Variants in DNAI3 observed in about 807,000 individuals in gnomAD.
DNAI3 encodes the protein dynein axonemal intermediate chain 3.
Under a neutral mutation model 115.5 loss-of-function variants are expected in DNAI3, and 83 were observed. The observed-to-expected ratio is 0.72, with a 90% CI of 0.60 to 0.86. DNAI3 has a LOEUF of 0.86. Ranked by LOEUF, DNAI3 falls within the 40% of genes least tolerant of loss-of-function variation. DNAI3 has a pLI of 0.00. For synonymous variants in DNAI3, 320 were observed against 347.0 expected (o/e 0.92, Z 0.86); for missense variants, 1,004 against 1,075.8 (o/e 0.93, Z 0.93).
chr1:85,133,015 G>A lies in DNAI3; in HGVS notation c.*17G>A. 6.2e-7 allele frequency: 1 copy of A among 1,602,200 alleles called. No individual in the cohort carries two copies. The highest frequency in any genetic ancestry group is 8.5e-7 in the Non-Finnish European group (1 of 1,176,310). On this transcript the variant is annotated 3_prime_UTR_variant, in exon 23 of 23. Transcript: ENST00000294664. ...GTGATGTAAAAAAGCTTCCTGAAGGGGTGTTTTGGGGACTTCTTCCCTCTA... is the reference window on the plus strand; with the variant it reads ...GTGATGTAAAAAAGCTTCCTGAAGGAGTGTTTTGGGGACTTCTTCCCTCTA...
Position 85,098,600 on chromosome 1 carries a change from T to C in DNAI3, c.1421T>C (p.Ile474Thr), listed in dbSNP as rs1209483219. The change falls in exon 13 of 23, where the codon ATA becomes ACA. Residue 474 changes from isoleucine to threonine, a missense_variant. Ile to Thr is a moderately conservative substitution (Grantham distance 89). Coordinates refer to ENST00000294664, the MANE Select transcript of DNAI3 (RefSeq NM_145172.5). ...ATCAGACACTGTGCAGTCTCTTCAA[T>C]AGAAAATGGACATAAGAAAGTAATT... ...MYIRHCAVSSIENGHKKVITD... is the reference protein window; with the variant it reads ...MYIRHCAVSSTENGHKKVITD... 5 of 1,613,638 alleles carry C rather than the reference T, an allele frequency of 3.1e-6. No individual in the cohort carries two copies. The highest frequency in any genetic ancestry group is 4.2e-6 in the Non-Finnish European group (5 of 1,179,752).
At chr1:85,120,689 G>A (rs1026257772) in intron 17 of DNAI3, among the ~76,000 whole-genome samples, 68 of 152,180 alleles carry the variant, frequency 4.5e-4, no homozygotes, top group African/African-American at 1.6e-3. Context: ...AGTGGTATCC[G>A]TGAGGGTGAT....
intron 8 of DNAI3, among the ~76,000 whole-genome samples, 180 bp from the exon 9 acceptor site, chr1:85,093,278 A>G (rs1451643705): frequency 2.0e-5 from 3 of 152,346 alleles, no homozygotes; most frequent in Middle Eastern, 6.8e-3. Flanking sequence ...ACATGCCACC[A>G]TGATGTTTTT....
intron 8 of DNAI3, among the ~76,000 whole-genome samples, chr1:85,091,617 T>C (rs1170528360): frequency 1.3e-5 from 2 of 152,186 alleles, no homozygotes; most frequent in Non-Finnish European, 2.9e-5. Context: ...CTTTTAGAAA[T>C]GGGAAATTTC....
At position 85,088,837 on chromosome 1, in the gene DNAI3, G is replaced by GT. The variant is rs201375748; in HGVS notation, c.741-1269dup. 5.5e-3 allele frequency among the ~76,000 whole-genome samples: 808 copies of GT among 147,912 alleles called. 5 individuals carry two copies. The highest frequency in any genetic ancestry group is 0.018 in the African/African-American group (723 of 40,290). ...AAACCACCAAGCAATATATCATTTT[G>GT]TTTTTTTTTTACTTAACCCTGTCTA... On this transcript the variant is annotated intron_variant, in intron 7 of 22. Coordinates refer to ENST00000294664, the MANE Select transcript of DNAI3 (RefSeq NM_145172.5).
chr1:85,119,587 A>G (rs1655930343), intron 17 of DNAI3, among the ~76,000 whole-genome samples: 1 of 152,226 alleles, frequency 6.6e-6, no homozygotes, highest in African/African-American at 2.4e-5. Flanking sequence ...CAACATGAAT[A>G]AAATCCAGAC....
At chr1:85,068,352 T>C (rs941036299) in intron 1 of DNAI3, among the ~76,000 whole-genome samples, 2 of 152,146 alleles carry the variant, frequency 1.3e-5, no homozygotes, top group Non-Finnish European at 2.9e-5. Context: ...CAAAATTCAT[T>C]GATGTTATCC....
chr1:85,076,334 AAAAT>A (rs1184908255), intron 3 of DNAI3, among the ~76,000 whole-genome samples: 2 of 152,172 alleles, frequency 1.3e-5, no homozygotes, highest in African/African-American at 4.8e-5. Flanking sequence ...TAAAAAATGA[AAAAT>A]AAATAAATAA....
chr1:85,116,569 G>A (rs1423742252), intron 16 of DNAI3, among the ~76,000 whole-genome samples: 1 of 152,120 alleles, frequency 6.6e-6, no homozygotes. Flanking sequence ...AAAAAGAGAG[G>A]AACAGACATT....
intron 20 of DNAI3, among the ~76,000 whole-genome samples, chr1:85,127,905 G>A (rs556963708): frequency 1.3e-5 from 2 of 152,166 alleles, no homozygotes; most frequent in African/African-American, 4.8e-5. Flanking sequence ...GATCACTTGA[G>A]TCCAGGAGTT....
At chr1:85,110,013 G>A (rs748383437) in intron 15 of DNAI3, 35 bp from the exon 16 acceptor site, 8 of 1,585,544 alleles carry the variant, frequency 5.0e-6, no homozygotes, top group Non-Finnish European at 6.9e-6. Flanking sequence ...TTCAGGATAT[G>A]TGGAAATAAT....
At chr1:85,075,553 G>T (rs1395283187) in intron 3 of DNAI3, among the ~76,000 whole-genome samples, 1 of 152,042 alleles carries the variant, frequency 6.6e-6, no homozygotes, top group Admixed American at 6.5e-5. Flanking sequence ...ACTTCCTCAT[G>T]GTGGGCCCTG....
chr1:85,084,770 A>T (rs1654749126), intron 6 of DNAI3, 75 bp downstream of exon 6: 3 of 1,285,120 alleles, frequency 2.3e-6, no homozygotes, highest in Non-Finnish European at 3.0e-6. Context: ...GGGATTCATA[A>T]GGTTTACTGT....
At chr1:85,103,264 C>A (rs764959880) in intron 13 of DNAI3, among the ~76,000 whole-genome samples, 15 of 152,148 alleles carry the variant, frequency 9.9e-5, no homozygotes, top group Non-Finnish European at 1.6e-4. Flanking sequence ...TGCCTCAAAG[C>A]CTGCTGCCTG....
At chr1:85,090,683 C>G (rs988952033) in intron 8 of DNAI3, among the ~76,000 whole-genome samples, 1 of 152,168 alleles carries the variant, frequency 6.6e-6, no homozygotes, top group African/African-American at 2.4e-5. Flanking sequence ...ACATTTCACT[C>G]TTATCACCAA....
intron 13 of DNAI3, among the ~76,000 whole-genome samples, chr1:85,099,581 C>G (rs1655230170): frequency 6.6e-6 from 1 of 152,106 alleles, no homozygotes; most frequent in Non-Finnish European, 1.5e-5. Context: ...AATGCCATCC[C>G]CATCAGGCTA....
At chr1:85,112,531 A>G (rs1655689487) in intron 16 of DNAI3, among the ~76,000 whole-genome samples, 1 of 152,188 alleles carries the variant, frequency 6.6e-6, no homozygotes, top group Admixed American at 6.5e-5. Context: ...TTCCAGTTTT[A>G]CCAGTTTACA....
At chr1:85,118,752 T>C (rs1477502127) in intron 17 of DNAI3, among the ~76,000 whole-genome samples, 2 of 151,994 alleles carry the variant, frequency 1.3e-5, no homozygotes. Flanking sequence ...AGCAGACACA[T>C]GATAAACACC....
chr1:85,081,095 C>A, intron 3 of DNAI3, 139 bp from the exon 4 acceptor site: 1 of 663,730 alleles, frequency 1.5e-6, no homozygotes, highest in Non-Finnish European at 2.3e-6. Flanking sequence ...GATATATTTA[C>A]TTTAAATACA....
Sources: gnomAD v4.1 joint callset for allele counts (sites outside exome capture counted in the v4.1 genomes callset) on GRCh38, gnomAD v4.1.1 for gene constraint, MANE v1.5 for transcripts, NCBI Gene and HGNC (gene_info 2026-07-23, HGNC 2026-07-21) for gene names.